CNTN3: variants seen among roughly 807,000 people sequenced by gnomAD.
CNTN3 encodes contactin 3, also known as contactin-3.
CNTN3 carries 60 observed loss-of-function variants against 119.1 expected under a neutral mutation model. The observed-to-expected ratio is 0.50, with a 90% CI of 0.41 to 0.62. The LOEUF is 0.62. Ranked by LOEUF, CNTN3 falls within the 20% of genes least tolerant of loss-of-function variation. The pLI is 0.00. For missense variants in CNTN3, 1,101 were observed against 1,242.4 expected, an observed-to-expected ratio of 0.89 and a Z score of 1.71; for synonymous variants, 450 against 438.7, an observed-to-expected ratio of 1.03 and a Z score of -0.32.
chr3:74,487,509 A>G (rs1315846689), intron 3 of CNTN3, among the ~76,000 whole-genome samples: 1 of 152,164 alleles, frequency 6.6e-6, no homozygotes, highest in Non-Finnish European at 1.5e-5. Flanking sequence ...TTATTTTTAT[A>G]ATAATTTGCC....
At chr3:74,347,752 GGT>G (rs1195768888) in intron 11 of CNTN3, among the ~76,000 whole-genome samples, 1 of 152,120 alleles carries the variant, frequency 6.6e-6, no homozygotes, top group African/African-American at 2.4e-5. Context: ...ATTTCCAAAA[GGT>G]GAACACAGTA....
intron 13 of CNTN3, among the ~76,000 whole-genome samples, chr3:74,308,579 T>A (rs147924146): frequency 3.3e-5 from 5 of 152,316 alleles, no homozygotes; most frequent in African/African-American, 7.2e-5. Flanking sequence ...TATCTGCTTT[T>A]TAATTTCAAC....
chr3:74,468,928 A>G (rs2106995356), intron 4 of CNTN3, among the ~76,000 whole-genome samples: 1 of 152,308 alleles, frequency 6.6e-6, no homozygotes, highest in African/African-American at 2.4e-5. Flanking sequence ...TAGTTTCAAC[A>G]AGTACTGCTT....
At chr3:74,395,213 A>G (rs1278557432) in intron 5 of CNTN3, among the ~76,000 whole-genome samples, 2 of 152,178 alleles carry the variant, frequency 1.3e-5, no homozygotes, top group Non-Finnish European at 2.9e-5. Flanking sequence ...AGGATGATAC[A>G]AGAGCTTGGG....
intron 16 of CNTN3, among the ~76,000 whole-genome samples, chr3:74,300,153 A>C (rs1702425104): frequency 6.6e-6 from 1 of 152,194 alleles, no homozygotes; most frequent in Non-Finnish European, 1.5e-5. Flanking sequence ...ATCATAAAAA[A>C]ATTCAAAATC....
At chr3:74,313,361 A>T (rs1313147364) in intron 13 of CNTN3, among the ~76,000 whole-genome samples, 2 of 152,210 alleles carry the variant, frequency 1.3e-5, no homozygotes, top group Non-Finnish European at 2.9e-5. Context: ...GCCCCCAAGA[A>T]AACAGAAAGT....
At chr3:74,613,908 T>C (rs1286665502) in intron 1 of CNTN3, among the ~76,000 whole-genome samples, 3 of 152,112 alleles carry the variant, frequency 2.0e-5, no homozygotes, top group Admixed American at 1.3e-4. Flanking sequence ...AGAAAGAAAA[T>C]GCAGCTTAGA....
chr3:74,538,267 T>C (rs1703793573), intron 1 of CNTN3, among the ~76,000 whole-genome samples: 1 of 152,138 alleles, frequency 6.6e-6, no homozygotes, highest in Non-Finnish European at 1.5e-5. Flanking sequence ...GCAGATTAAT[T>C]AGTAACTGTT....
At chr3:74,346,773 CCATCCATCCAT>C (rs1703699979) in intron 11 of CNTN3, among the ~76,000 whole-genome samples, 2 of 151,888 alleles carry the variant, frequency 1.3e-5, no homozygotes, top group African/African-American at 4.8e-5. Context: ...ATCCATCCAT[CCATCCATCCAT>C]CCATCCATGC....
At chr3:74,309,069 T>C (rs1702624449) in intron 13 of CNTN3, among the ~76,000 whole-genome samples, 1 of 152,212 alleles carries the variant, frequency 6.6e-6, no homozygotes, top group Non-Finnish European at 1.5e-5. Context: ...ACAGGCCTAA[T>C]ATCATGTTTA....
chr3:74,476,803 G>C (rs1036825825), intron 4 of CNTN3, among the ~76,000 whole-genome samples: 29 of 151,826 alleles, frequency 1.9e-4, no homozygotes, highest in African/African-American at 7.0e-4. Flanking sequence ...AACCTCAAAG[G>C]GTAGCTTAAT....
Position 74,339,183 on chromosome 3 carries a change from C to T in CNTN3, c.1365-2525G>A, listed in dbSNP as rs150154748. Among the ~76,000 whole-genome samples the T allele has an allele frequency of 7.3e-3, 1,109 of 152,130 alleles. 12 individuals are homozygous for T. The highest frequency in any genetic ancestry group is 0.02 in the African/African-American group (822 of 41,512). The stretch of plus-strand genomic sequence containing the variant: ...AAACTTAGACATGTCAATCTGATCA[C>T]GTGATCCTGCCCTCCTCCCTCCAGC... On this transcript the variant is annotated intron_variant, in intron 11 of 22. Coordinates refer to ENST00000263665, the MANE Select transcript of CNTN3 (RefSeq NM_020872.3).
At chr3:74,344,669 T>C (rs568444927) in intron 11 of CNTN3, among the ~76,000 whole-genome samples, 33 of 152,086 alleles carry the variant, frequency 2.2e-4, no homozygotes, top group Middle Eastern at 3.4e-3. Context: ...CCGTGTTAGC[T>C]AGGATGGTCG....
At chr3:74,319,817 C>CAAA (rs533398450) in intron 13 of CNTN3, among the ~76,000 whole-genome samples, 1 of 139,636 alleles carries the variant, frequency 7.2e-6, no homozygotes. Context: ...AACAAATTTA[C>CAAA]AAAAAAAAAA....
intron 1 of CNTN3, among the ~76,000 whole-genome samples, chr3:74,595,718 C>T (rs1400968785): frequency 6.6e-6 from 1 of 152,070 alleles, no homozygotes; most frequent in Admixed American, 6.6e-5. Flanking sequence ...CTATGACAAA[C>T]CCACAGCCAA....
At chr3:74,322,659 C>T (rs1038411301) in intron 13 of CNTN3, among the ~76,000 whole-genome samples, 2 of 152,136 alleles carry the variant, frequency 1.3e-5, no homozygotes, top group Admixed American at 6.6e-5. Flanking sequence ...CCAAAATGAA[C>T]TGAAAACTTA....
intron 4 of CNTN3, among the ~76,000 whole-genome samples, chr3:74,443,961 T>C (rs1702007120): frequency 6.6e-6 from 1 of 152,168 alleles, no homozygotes; most frequent in African/African-American, 2.4e-5. Context: ...ATCATGGTGT[T>C]GGCAGGATCA....
At chr3:74,592,267 G>A (rs1704716304) in intron 1 of CNTN3, among the ~76,000 whole-genome samples, 1 of 151,868 alleles carries the variant, frequency 6.6e-6, no homozygotes, top group African/African-American at 2.4e-5. Flanking sequence ...TGAGAGAGGA[G>A]AAGAAATGCA....
chr3:74,292,539 C>G (rs527656329), intron 19 of CNTN3, among the ~76,000 whole-genome samples: 5 of 152,284 alleles, frequency 3.3e-5, no homozygotes, highest in Non-Finnish European at 4.4e-5. Flanking sequence ...GCACTCCAGC[C>G]TGGGCAACAA....
Sources: allele counts gnomAD v4.1 joint callset (sites outside exome capture counted in the v4.1 genomes callset), GRCh38; gene constraint gnomAD v4.1.1; transcripts MANE v1.5; gene names NCBI Gene and HGNC (gene_info 2026-07-23, HGNC 2026-07-21).